DAGLA: variants seen among roughly 807,000 people sequenced by gnomAD.
The protein encoded by DAGLA is diacylglycerol lipase-alpha.
In DAGLA, 22 loss-of-function variants were observed where a neutral mutation model predicts 102.6. The observed-to-expected ratio is 0.21, with a 90% CI of 0.15 to 0.31. The LOEUF (loss-of-function observed/expected upper bound fraction) is 0.31. Ranked by LOEUF, DAGLA falls within the 10% of genes least tolerant of loss-of-function variation. The pLI, the probability that DAGLA is intolerant of heterozygous loss-of-function variation, is 1.00. For synonymous variants in DAGLA, 578 were observed against 628.9 expected, an observed-to-expected ratio of 0.92 and a Z score of 1.21; for missense variants, 927 against 1,446.6, an observed-to-expected ratio of 0.64 and a Z score of 5.83.
intron 1 of DAGLA, among the ~76,000 whole-genome samples, chr11:61,718,854 C>A (rs1030175959): frequency 1.3e-5 from 2 of 152,202 alleles, no homozygotes; most frequent in African/African-American, 4.8e-5. Context: ...TGGCCCCACG[C>A]CCTCTCGCCC....
In DAGLA at chr11:61,737,656, G is replaced by C. The variant is rs200263376; in HGVS notation, c.1515-31G>C. On this transcript the variant is annotated intron_variant, in intron 14 of 19. Coordinates refer to ENST00000257215, the MANE Select transcript of DAGLA (RefSeq NM_006133.3). ...GGAACACCACCACCCCGCCCCCTTG[G>C]CCTTAGCTTCTGCTTCGGCTTCCCT... 3 of 1,606,198 alleles carry C rather than the reference G, an allele frequency of 1.9e-6. No homozygotes were observed. In the African/African-American group the frequency reaches 4.0e-5, roughly 21 times the overall value.
At chr11:61,711,971 A>G (rs187826661) in intron 1 of DAGLA, among the ~76,000 whole-genome samples, 3 of 152,370 alleles carry the variant, frequency 2.0e-5, no homozygotes, top group Admixed American at 2.0e-4. Context: ...TGCTTGTTAA[A>G]GTAACCAGCA....
At chr11:61,713,070 C>T (rs143286020) in intron 1 of DAGLA, among the ~76,000 whole-genome samples, 16 of 152,244 alleles carry the variant, frequency 1.1e-4, no homozygotes, top group African/African-American at 3.1e-4. Context: ...TGCTCTCTCC[C>T]GACTCCACAG....
chr11:61,735,707 C>A (rs1359352300), intron 11 of DAGLA, 32 bp from the exon 12 acceptor site: 2 of 1,612,494 alleles, frequency 1.2e-6, no homozygotes, highest in South Asian at 2.2e-5. Flanking sequence ...TCCTCTTTAG[C>A]CGCCCCCTCA....
intron 1 of DAGLA, among the ~76,000 whole-genome samples, chr11:61,685,860 G>A (rs998548751): frequency 2.6e-5 from 4 of 152,086 alleles, no homozygotes; most frequent in Admixed American, 6.6e-5. Context: ...ACTGCTGCCC[G>A]TCTGTTGTGT....
intron 4 of DAGLA, 92 bp from the exon 5 acceptor site, chr11:61,723,342 T>C: frequency 6.6e-7 from 1 of 1,524,486 alleles, no homozygotes; most frequent in Non-Finnish European, 9.0e-7. Flanking sequence ...CATTTGGGGT[T>C]AGGGAGGCTC....
chr11:61,704,950 A>G (rs1324232053), intron 1 of DAGLA, among the ~76,000 whole-genome samples: 1 of 152,066 alleles, frequency 6.6e-6, no homozygotes, highest in African/African-American at 2.4e-5. Flanking sequence ...GAGCCCACTG[A>G]CTGCTCCTGA....
intron 1 of DAGLA, among the ~76,000 whole-genome samples, chr11:61,717,211 T>TC: frequency 6.6e-6 from 1 of 152,186 alleles, no homozygotes; most frequent in South Asian, 2.1e-4. Context: ...TGAAATCACA[T>TC]CCCCAGCAGG....
chr11:61,702,310 A>G (rs762094773), intron 1 of DAGLA, among the ~76,000 whole-genome samples: 4 of 152,112 alleles, frequency 2.6e-5, no homozygotes, highest in Non-Finnish European at 4.4e-5. Context: ...AAAAGTGGGG[A>G]TCATCAAAGC....
At chr11:61,719,967 G>A in intron 1 of DAGLA, 145 bp from the exon 2 acceptor site, 1 of 612,000 alleles carries the variant, frequency 1.6e-6, no homozygotes, top group Non-Finnish European at 2.9e-6. Context: ...CCTGCCCGGA[G>A]GTGGGTCAGC....
chr11:61,720,083 C>CAGCTAT (rs1479086140), intron 1 of DAGLA, 29 bp from the exon 2 acceptor site: 54 of 1,518,464 alleles, frequency 3.6e-5, no homozygotes, highest in Non-Finnish European at 4.7e-5. Flanking sequence ...CCTCCTCAGG[C>CAGCTAT]AGCTATAAGG....
Position 61,734,033 on chromosome 11 carries a change from G to T in DAGLA, c.975-816G>T, listed in dbSNP as rs956877496. ...CAGGTGGGGTAGACAGGGCGTTGCT[G>T]TAGGGTCTTAAAAAGAAAATGATGT... is the stretch of plus-strand genomic sequence containing the variant. On this transcript the variant is annotated intron_variant, in intron 9 of 19. Transcript: ENST00000257215. The surrounding 1 kb of genome is among the most constrained non-coding windows in gnomAD (Gnocchi z 4.2). Among the ~76,000 whole-genome samples the T allele has an allele frequency of 1.1e-4, 16 of 152,084 alleles. No homozygotes were observed. The highest frequency in any genetic ancestry group is 3.4e-4 in the African/African-American group (14 of 41,402).
rs2064983730 is a variant in DAGLA, at chr11:61,686,064, G to A, written c.-45+5560G>A. On this transcript the variant is annotated intron_variant, in intron 1 of 19. Transcript: ENST00000257215. The surrounding 1 kb of genome is among the most constrained non-coding windows in gnomAD (Gnocchi z 5.2). ...CACCAGGAAGAGTGGTATGGCAGCA[G>A]GGTACTGAGGGACAAGAGTAGGGGG... Among the ~76,000 whole-genome samples the A allele has an allele frequency of 6.6e-6, 1 of 152,170 alleles. No homozygotes were observed. The highest frequency in any genetic ancestry group is 2.4e-5 in the African/African-American group (1 of 41,430).
chr11:61,725,277 C>T (rs1469956111), intron 5 of DAGLA, among the ~76,000 whole-genome samples: 1 of 152,132 alleles, frequency 6.6e-6, no homozygotes, highest in East Asian at 1.9e-4. Context: ...ATAACTGGCC[C>T]ATTGCTCTGC....
chr11:61,682,200 T>A (rs1217226840), intron 1 of DAGLA, among the ~76,000 whole-genome samples: 2 of 152,142 alleles, frequency 1.3e-5, no homozygotes, highest in Non-Finnish European at 2.9e-5. Context: ...TCAAGGCATG[T>A]CACATGGTGG....
At chr11:61,704,598 A>T (rs2065134908) in intron 1 of DAGLA, among the ~76,000 whole-genome samples, 1 of 151,902 alleles carries the variant, frequency 6.6e-6, no homozygotes, top group South Asian at 2.1e-4. Flanking sequence ...TGGGGAAGAG[A>T]ATTCTAGTTT....
Position 61,684,943 on chromosome 11 carries a change from A to C in DAGLA, c.-45+4439A>C, listed in dbSNP as rs1239397040. On this transcript the variant is annotated intron_variant, in intron 1 of 19. Coordinates refer to ENST00000257215, the MANE Select transcript of DAGLA (RefSeq NM_006133.3). The surrounding 1 kb of genome is among the most constrained non-coding windows in gnomAD (Gnocchi z 4.5). ...TCATGTTATGACTCTTTACATGAGG[A>C]GCCGAGTGCTTTCTCAGTATTCCTT... 6.6e-6 allele frequency among the ~76,000 whole-genome samples: 1 copy of C among 151,958 alleles called. No homozygotes were observed. Among genetic ancestry groups the C allele is most frequent in the African/African-American group, 2.4e-5 (1 of 41,324 alleles).
At chr11:61,704,201 C>G (rs1011875868) in intron 1 of DAGLA, among the ~76,000 whole-genome samples, 1 of 152,050 alleles carries the variant, frequency 6.6e-6, no homozygotes, top group Non-Finnish European at 1.5e-5. Flanking sequence ...CTCATGGCAC[C>G]TCTGCCTCCC....
Position 61,737,229 on chromosome 11 carries a change from G to A in DAGLA, c.1419G>A (p.Leu473=). Residue 473 remains leucine (L), a synonymous_variant, in exon 14 of 20, where the codon CTG becomes CTA. Coordinates refer to ENST00000257215, the MANE Select transcript of DAGLA (RefSeq NM_006133.3). ...HYGLIVVGHS[L]GAGTAAILSF... is the part of the protein sequence containing the mutation. ...GCCTGATTGTGGTGGGCCACTCCCT[G>A]GGCGCGGGCACTGCTGCCATCCTCT... is the stretch of plus-strand genomic sequence containing the variant. The A allele has an allele frequency of 6.2e-7, 1 of 1,613,382 alleles. No individual in the cohort carries two copies. The highest frequency in any genetic ancestry group is 8.5e-7 in the Non-Finnish European group (1 of 1,180,034).
Sources: allele counts gnomAD v4.1 joint callset (sites outside exome capture counted in the v4.1 genomes callset), GRCh38; gene constraint gnomAD v4.1.1; non-coding constraint Gnocchi (gnomAD v3.1); transcripts MANE v1.5; gene names NCBI Gene and HGNC (gene_info 2026-07-23, HGNC 2026-07-21).